Variants in IL23R observed in about 807,000 individuals in gnomAD.
IL23R encodes interleukin 23 receptor, also known as interleukin-23 receptor.
In IL23R, 34 loss-of-function variants were observed where a neutral mutation model predicts 56.9. The observed-to-expected ratio is 0.60, with a 90% CI of 0.45 to 0.80. The LOEUF (loss-of-function observed/expected upper bound fraction) is 0.80, where lower values mean the gene tolerates loss of function less well. IL23R is among the 30% of genes least tolerant of loss of function. The pLI is 0.00. For synonymous variants in IL23R, 230 were observed against 249.2 expected (o/e 0.92, Z 0.73); for missense variants, 635 against 730.0 (o/e 0.87, Z 1.50).
chr1:67,151,994 C>T (rs150155703), intron 1 of IL23R, among the ~76,000 whole-genome samples: 2,179 of 152,084 alleles, frequency 0.014, 31 homozygotes, highest in Non-Finnish European at 0.024. Flanking sequence ...TCTAATTCTG[C>T]GAAGAATGTA....
intron 7 of IL23R, among the ~76,000 whole-genome samples, chr1:67,234,073 CT>C (rs971573417): frequency 2.0e-5 from 3 of 151,758 alleles, no homozygotes; most frequent in East Asian, 1.9e-4. Flanking sequence ...AGGGATGGTT[CT>C]TTTTTTCTCC....
At chr1:67,151,318 T>G (rs954961819) in intron 1 of IL23R, among the ~76,000 whole-genome samples, 3 of 152,236 alleles carry the variant, frequency 2.0e-5, no homozygotes, top group Non-Finnish European at 4.4e-5. Flanking sequence ...CTTGTAAATT[T>G]GTTTAAGTTC....
At chr1:67,174,970 C>G (rs1251368753) in intron 3 of IL23R, among the ~76,000 whole-genome samples, 1 of 151,114 alleles carries the variant, frequency 6.6e-6, no homozygotes, top group Admixed American at 6.6e-5. Flanking sequence ...GCTTCTTTTA[C>G]AGTGGTTTAG....
chr1:67,162,062 CT>C (rs530570044), upstream of IL23R, among the ~76,000 whole-genome samples: 831 of 152,066 alleles, frequency 5.5e-3, 10 homozygotes, highest in African/African-American at 0.019. Flanking sequence ...ATAAAATAGC[CT>C]TTTACTATCT....
chr1:67,183,405 G>C lies in IL23R; in HGVS notation c.491+446G>C, dbSNP rs563038915. On this transcript the variant is annotated intron_variant, in intron 4 of 10. Coordinates refer to ENST00000347310, the MANE Select transcript of IL23R (RefSeq NM_144701.3). Reference sequence around the variant, plus strand: ...CAAAAATTAGCCAGGCATTGTGGCAGGCATCTGTAATTCCAGCTGCTCAGG... The same window carrying C: ...CAAAAATTAGCCAGGCATTGTGGCACGCATCTGTAATTCCAGCTGCTCAGG... 2.6e-5 allele frequency among the ~76,000 whole-genome samples: 4 copies of C among 152,234 alleles called. No homozygotes were observed. The South Asian group carries it at 8.3e-4, about 32-fold the overall frequency.
intron 7 of IL23R, among the ~76,000 whole-genome samples, chr1:67,226,897 G>A (rs1570887669): frequency 6.6e-6 from 1 of 152,136 alleles, no homozygotes; most frequent in African/African-American, 2.4e-5. Flanking sequence ...GACCACCCCA[G>A]CCCACCTGGG....
At chr1:67,250,975 G>A (rs539935757) in intron 9 of IL23R, among the ~76,000 whole-genome samples, 2 of 152,170 alleles carry the variant, frequency 1.3e-5, no homozygotes, top group East Asian at 1.9e-4. Flanking sequence ...GAAAACAGAG[G>A]GTTTTTTCCA....
chr1:67,259,038 C>A lies in IL23R; in HGVS notation c.1800C>A (p.Ile600=), dbSNP rs757424102. Residue 600 remains isoleucine (I), a synonymous_variant, in exon 11 of 11, where the codon ATC becomes ATA. Coordinates refer to ENST00000347310, the MANE Select transcript of IL23R (RefSeq NM_144701.3). ...ATGAATTTGTCTCCTGTTTGGGGAT[C>A]GTGAATGAGGAGTTGCCATCTATTA... is the stretch of plus-strand genomic sequence containing the variant. ...LPDEFVSCLG[I]VNEELPSINT... 5.0e-6 allele frequency: 8 copies of A among 1,613,870 alleles called. No individual in the cohort carries two copies. Among genetic ancestry groups the A allele is most frequent in the Non-Finnish European group, 6.8e-6 (8 of 1,179,922 alleles).
At chr1:67,169,995 C>T (rs1283827053) in intron 3 of IL23R, among the ~76,000 whole-genome samples, 1 of 152,190 alleles carries the variant, frequency 6.6e-6, no homozygotes, top group African/African-American at 2.4e-5. Context: ...ATGTGAGGGC[C>T]AGCCCCGTTA....
At chr1:67,263,021 G>A (rs1451878002), downstream of IL23R, among the ~76,000 whole-genome samples, 2 of 151,792 alleles carry the variant, frequency 1.3e-5, no homozygotes, top group African/African-American at 2.4e-5. Flanking sequence ...AGGAGGAGGT[G>A]CAAGTCAAGT....
At chr1:67,153,593 A>T (rs191791594) in intron 1 of IL23R, among the ~76,000 whole-genome samples, 1 of 152,094 alleles carries the variant, frequency 6.6e-6, no homozygotes, top group East Asian at 1.9e-4. Flanking sequence ...TAGTCCTGTA[A>T]ATTTCCCTCT....
At chr1:67,243,013 C>T (rs1445383271) in intron 9 of IL23R, among the ~76,000 whole-genome samples, 9 of 152,112 alleles carry the variant, frequency 5.9e-5, no homozygotes, top group East Asian at 1.9e-4. Context: ...TATAAGTCAC[C>T]ACACAAACAT....
chr1:67,253,146 G>C (rs1652742237), intron 9 of IL23R, among the ~76,000 whole-genome samples: 1 of 152,152 alleles, frequency 6.6e-6, no homozygotes, highest in Non-Finnish European at 1.5e-5. Flanking sequence ...CAGTGTGAAG[G>C]GAAGTGTGAC....
chr1:67,193,044 T>G (rs758975181), intron 4 of IL23R, among the ~76,000 whole-genome samples: 5 of 152,172 alleles, frequency 3.3e-5, no homozygotes, highest in Non-Finnish European at 5.9e-5. Flanking sequence ...TGATTTTGTC[T>G]TTAATCCCTT....
chr1:67,214,430 C>T (rs545992137), intron 6 of IL23R, among the ~76,000 whole-genome samples: 41 of 152,284 alleles, frequency 2.7e-4, no homozygotes, highest in African/African-American at 9.6e-4. Flanking sequence ...CTAATACTAC[C>T]TGTCACAAAG....
intron 9 of IL23R, among the ~76,000 whole-genome samples, chr1:67,250,645 T>A (rs1652546878): frequency 6.6e-6 from 1 of 152,250 alleles, no homozygotes; most frequent in East Asian, 1.9e-4. Context: ...TTACTTGAAC[T>A]AAGACATTAC....
At chr1:67,173,703 T>A (rs1169426798) in intron 3 of IL23R, among the ~76,000 whole-genome samples, 2 of 152,182 alleles carry the variant, frequency 1.3e-5, no homozygotes, top group African/African-American at 4.8e-5. Context: ...TATATGAAAA[T>A]AGTTTTTTAA....
chr1:67,247,913 C>A (rs1419462672), intron 9 of IL23R, among the ~76,000 whole-genome samples: 4 of 152,284 alleles, frequency 2.6e-5, no homozygotes, highest in Admixed American at 2.0e-4. Flanking sequence ...GTTGAAAATT[C>A]TTTCCTTTAA....
chr1:67,140,412 T>G (rs1646625906), intron 1 of IL23R, among the ~76,000 whole-genome samples: 1 of 152,192 alleles, frequency 6.6e-6, no homozygotes, highest in East Asian at 1.9e-4. Flanking sequence ...ATGCTGAATA[T>G]AGTCACTTTA....
Sources: gnomAD v4.1 joint callset for allele counts (sites outside exome capture counted in the v4.1 genomes callset) on GRCh38, gnomAD v4.1.1 for gene constraint, MANE v1.5 for transcripts, NCBI Gene and HGNC (gene_info 2026-07-23, HGNC 2026-07-21) for gene names.